Variants in BCHE observed in about 807,000 individuals in gnomAD.
BCHE encodes cholinesterase.
BCHE carries 48 observed loss-of-function variants against 51.3 expected under a neutral mutation model. That is an observed-to-expected ratio of 0.94 (90% CI 0.74 to 1.19). BCHE has a LOEUF of 1.19. Ranked by LOEUF, BCHE falls within the 50% of genes most tolerant of loss-of-function variation. The pLI is 0.00. For synonymous variants in BCHE, 251 were observed against 238.0 expected, an observed-to-expected ratio of 1.05 and a Z score of -0.50; for missense variants, 847 against 708.2, an observed-to-expected ratio of 1.20 and a Z score of -2.23.
At chr3:165,821,411 T>C (rs1356749543) in intron 2 of BCHE, among the ~76,000 whole-genome samples, 1 of 151,708 alleles carries the variant, frequency 6.6e-6, no homozygotes, top group Non-Finnish European at 1.5e-5. Context: ...TCTGTTGTCA[T>C]TTAAAAACAT....
intron 2 of BCHE, among the ~76,000 whole-genome samples, chr3:165,827,223 C>T (rs993598548): frequency 6.6e-6 from 1 of 152,124 alleles, no homozygotes; most frequent in Admixed American, 6.6e-5. Flanking sequence ...ATCAAATCAA[C>T]CCTTAACACA....
intron 2 of BCHE, among the ~76,000 whole-genome samples, chr3:165,826,535 G>A (rs1714729379): frequency 6.6e-6 from 1 of 152,016 alleles, no homozygotes; most frequent in African/African-American, 2.4e-5. Context: ...TTATTCTGAG[G>A]CAATGGAATT....
At chr3:165,796,877 G>T (rs1713399405) in intron 2 of BCHE, among the ~76,000 whole-genome samples, 1 of 152,068 alleles carries the variant, frequency 6.6e-6, no homozygotes, top group African/African-American at 2.4e-5. Context: ...CCACACAAAA[G>T]ATCTCTAAGA....
intron 2 of BCHE, among the ~76,000 whole-genome samples, chr3:165,826,896 T>G (rs1007330502): frequency 2.0e-5 from 3 of 152,146 alleles, no homozygotes; most frequent in African/African-American, 7.2e-5. Flanking sequence ...ACAGGGTGTT[T>G]AGCAGCATGC....
In BCHE at chr3:165,830,624, A is replaced by ACAGTTTT; in HGVS notation, c.409_410insAAAACTG (p.Val137GlufsTer23). ...ACCACCACCATAAATCCATATCAAT[A>ACAGTTTT]CAGTGGCATTTTTTGGTTTAGGTGC... is the stretch of plus-strand genomic sequence containing the variant. On this transcript the variant is annotated frameshift_variant, in exon 2 of 4. Coordinates refer to ENST00000264381, the MANE Select transcript of BCHE (RefSeq NM_000055.4). LOFTEE classifies it high-confidence loss of function. 3 of 1,614,032 alleles carry ACAGTTTT rather than the reference A, an allele frequency of 1.9e-6. No homozygotes were observed. Among genetic ancestry groups the ACAGTTTT allele is most frequent in the Non-Finnish European group, 8.5e-7 (1 of 1,179,960 alleles).
chr3:165,798,906 A>G (rs1713531604), intron 2 of BCHE, among the ~76,000 whole-genome samples: 1 of 152,148 alleles, frequency 6.6e-6, no homozygotes, highest in Non-Finnish European at 1.5e-5. Flanking sequence ...AAAAAAAACT[A>G]GAGTATATAG....
Position 165,830,902 on chromosome 3 carries a change from C to A in BCHE, c.132G>T (p.Met44Ile). ...IATKNGKVRG[M>I]NLTVFGGTVT... ...CCGTGCCACCAAAAACTGTCAAGTT[C>A]ATCCCTCTGACTTTTCCATTCTTTG... Residue 44 changes from methionine (M) to isoleucine (I), a missense_variant, in exon 2 of 4, where the codon ATG (methionine) becomes ATT (isoleucine). Met to Ile is a conservative substitution (Grantham distance 10). Transcript: ENST00000264381. 2 of 1,613,942 alleles carry A rather than the reference C, an allele frequency of 1.2e-6. No individual in the cohort carries two copies. Among genetic ancestry groups the A allele is most frequent in the Non-Finnish European group, 1.7e-6 (2 of 1,179,898 alleles).
chr3:165,786,342 A>G (rs1712950995), intron 2 of BCHE, 31 bp from the exon 3 acceptor site: 1 of 1,561,436 alleles, frequency 6.4e-7, no homozygotes, highest in South Asian at 1.1e-5. Flanking sequence ...ATTATAGTAA[A>G]ATTGAAATCA....
chr3:165,818,688 G>A (rs141179963), intron 2 of BCHE, among the ~76,000 whole-genome samples: 2 of 152,188 alleles, frequency 1.3e-5, no homozygotes, highest in East Asian at 1.9e-4. Flanking sequence ...AGATCATGAA[G>A]CAGAGGAAGA....
At chr3:165,823,395 G>A (rs368533146) in intron 2 of BCHE, among the ~76,000 whole-genome samples, 40 of 152,194 alleles carry the variant, frequency 2.6e-4, no homozygotes, top group African/African-American at 9.1e-4. Flanking sequence ...GATAAGGTGA[G>A]ATTAGCCTTC....
chr3:165,802,186 T>C (rs1713677861), intron 2 of BCHE, among the ~76,000 whole-genome samples: 1 of 152,220 alleles, frequency 6.6e-6, no homozygotes, highest in South Asian at 2.1e-4. Context: ...ATTCAAATTA[T>C]CAGAGCGTAT....
intron 2 of BCHE, among the ~76,000 whole-genome samples, chr3:165,802,664 A>G (rs181387776): frequency 1.3e-4 from 19 of 151,792 alleles, no homozygotes; most frequent in Non-Finnish European, 5.9e-5. Context: ...GGAGACATTT[A>G]CAGAGATATA....
In BCHE at chr3:165,830,879, G is replaced by A. The variant is rs56309853; in HGVS notation, c.155C>T (p.Thr52Met). The change falls in exon 2 of 4, where the codon ACG (threonine) becomes ATG (methionine). Residue 52 changes from threonine to methionine, a missense_variant. Coordinates refer to ENST00000264381, the MANE Select transcript of BCHE (RefSeq NM_000055.4). Reference protein sequence around the residue: ...RGMNLTVFGGTVTAFLGIPYA... With the variant: ...RGMNLTVFGGMVTAFLGIPYA... ...GGGAATTCCAAGAAAGGCTGTTACC[G>A]TGCCACCAAAAACTGTCAAGTTCAT... is the stretch of plus-strand genomic sequence containing the variant. 566 of 1,613,890 alleles carry A rather than the reference G, an allele frequency of 3.5e-4. 1 individual carries two copies. Among genetic ancestry groups the A allele is most frequent in the Non-Finnish European group, 4.5e-4 (535 of 1,179,900 alleles).
At chr3:165,815,555 G>GCTAGCAAATGTTAGCAATAT (rs1312047147) in intron 2 of BCHE, among the ~76,000 whole-genome samples, 2 of 152,028 alleles carry the variant, frequency 1.3e-5, no homozygotes, top group African/African-American at 4.8e-5. Flanking sequence ...GTTAGCAATA[G>GCTAGCAAATGTTAGCAATAT]CTAGCAAATG....
chr3:165,792,339 T>A (rs1713201959), intron 2 of BCHE, among the ~76,000 whole-genome samples: 2 of 152,066 alleles, frequency 1.3e-5, no homozygotes, highest in African/African-American at 2.4e-5. Context: ...TTAGGAAAAA[T>A]TACCCGGAAA....
At chr3:165,812,393 CAT>C (rs1714136343) in intron 2 of BCHE, among the ~76,000 whole-genome samples, 1 of 151,526 alleles carries the variant, frequency 6.6e-6, no homozygotes, top group Non-Finnish European at 1.5e-5. Context: ...TAATTTTAGA[CAT>C]TATCTATTCT....
At chr3:165,789,015 T>C (rs1345214137) in intron 2 of BCHE, among the ~76,000 whole-genome samples, 2 of 152,280 alleles carry the variant, frequency 1.3e-5, no homozygotes, top group East Asian at 3.9e-4. Context: ...ATTTCCACCA[T>C]GCACAATTCC....
intron 3 of BCHE, among the ~76,000 whole-genome samples, chr3:165,775,505 T>C (rs1422761873): frequency 6.6e-6 from 1 of 151,714 alleles, no homozygotes; most frequent in Non-Finnish European, 1.5e-5. Context: ...ATCTTACTTA[T>C]ATAAAATAAA....
At chr3:165,794,965 C>T (rs893172732) in intron 2 of BCHE, among the ~76,000 whole-genome samples, 1 of 151,952 alleles carries the variant, frequency 6.6e-6, no homozygotes. Context: ...TCTATTTTTT[C>T]ATGTCCAGTG....
Sources: allele counts gnomAD v4.1 joint callset (sites outside exome capture counted in the v4.1 genomes callset), GRCh38; gene constraint gnomAD v4.1.1; transcripts MANE v1.5; gene names NCBI Gene and HGNC (gene_info 2026-07-23, HGNC 2026-07-21).